Variants in DOCK8 observed in about 807,000 individuals in gnomAD.
DOCK8 encodes the protein dedicator of cytokinesis 8.
A neutral mutation model predicts 245.6 loss-of-function variants in DOCK8; 141 were observed. That is an observed-to-expected ratio of 0.57 (90% CI 0.50 to 0.66). The LOEUF (loss-of-function observed/expected upper bound fraction) is 0.66. Ranked by LOEUF, DOCK8 falls within the 30% of genes least tolerant of loss-of-function variation. DOCK8 has a pLI of 0.00. For missense variants in DOCK8, 2,965 were observed against 2,603.4 expected (o/e 1.14, Z -3.02); for synonymous variants, 1,168 against 970.2 (o/e 1.20, Z -3.79).
At position 340,207 on chromosome 9, in the gene DOCK8, G is replaced by T; in HGVS notation, c.1565G>T (p.Cys522Phe). 3 of 1,614,086 alleles carry T rather than the reference G, an allele frequency of 1.9e-6. No homozygotes were observed. Among genetic ancestry groups the T allele is most frequent in the Non-Finnish European group, 1.7e-6 (2 of 1,180,014 alleles). The change falls in exon 14 of 48, where the codon TGT becomes TTT. Residue 522 changes from cysteine to phenylalanine, a missense_variant. By Grantham distance (205) the Cys-to-Phe change is radical. Transcript: ENST00000432829. ...ACAGCTCCAGAGATCATCAATTGCT[G>T]TCTGACTCCTGAAATGCTGCCCGTG... ...ISTAPEIINC[C>F]LTPEMLPVKP...
intron 1 of DOCK8, among the ~76,000 whole-genome samples, chr9:248,464 TCCTC>T (rs1342114545): frequency 6.0e-5 from 9 of 149,608 alleles, no homozygotes; most frequent in Admixed American, 5.3e-4. Flanking sequence ...CTTCCTTCCT[TCCTC>T]CCTCCCTCCT....
chr9:238,518 T>C (rs1197293356), intron 1 of DOCK8, among the ~76,000 whole-genome samples: 1 of 152,158 alleles, frequency 6.6e-6, no homozygotes, highest in East Asian at 1.9e-4. Flanking sequence ...ACAGGCACCA[T>C]AATAATGTAA....
chr9:293,595 C>T (rs562091537), intron 4 of DOCK8, among the ~76,000 whole-genome samples: 1 of 152,352 alleles, frequency 6.6e-6, no homozygotes, highest in South Asian at 2.1e-4. Context: ...GGAAGGTGTG[C>T]AACACCTTCT....
chr9:325,901 C>T (rs2130808933), intron 8 of DOCK8, among the ~76,000 whole-genome samples, 164 bp downstream of exon 8: 1 of 152,228 alleles, frequency 6.6e-6, no homozygotes, highest in East Asian at 1.9e-4. Flanking sequence ...AAGCAGTGGT[C>T]TGAGAATGTA....
intron 34 of DOCK8, among the ~76,000 whole-genome samples, chr9:428,074 A>G (rs931729773): frequency 6.6e-6 from 1 of 152,232 alleles, no homozygotes; most frequent in African/African-American, 2.4e-5. Flanking sequence ...ACAAAGAAAG[A>G]ACTTTCCAAA....
chr9:297,092 G>T (rs977267299), intron 4 of DOCK8, among the ~76,000 whole-genome samples: 1 of 152,080 alleles, frequency 6.6e-6, no homozygotes, highest in African/African-American at 2.4e-5. Context: ...GCACCAAATT[G>T]TACAGGAAGG....
At chr9:299,410 TGGCACCATACTC>T (rs1269537049) in intron 4 of DOCK8, among the ~76,000 whole-genome samples, 3 of 152,076 alleles carry the variant, frequency 2.0e-5, no homozygotes, top group Non-Finnish European at 4.4e-5. Flanking sequence ...TACAGGCAGG[TGGCACCATACTC>T]GGCTAATTTT....
At chr9:295,867 A>G (rs2049240370) in intron 4 of DOCK8, among the ~76,000 whole-genome samples, 1 of 152,222 alleles carries the variant, frequency 6.6e-6, no homozygotes, top group Admixed American at 6.5e-5. Flanking sequence ...CCACTCAAGT[A>G]CTGTAATTGA....
At position 312,401 on chromosome 9, in the gene DOCK8, T is replaced by G. The variant is rs1284416436; in HGVS notation, c.741+235T>G. On this transcript the variant is annotated intron_variant, in intron 6 of 47. Transcript: ENST00000432829. ...AACAACTGGAATTTTCATAGCACTT[T>G]ACAAAATATGTTCACTAAGAGCATC... The G allele has an allele frequency of 6.1e-6, 4 of 652,814 alleles. No homozygotes were observed. In the African/African-American group the frequency reaches 7.1e-5, roughly 12 times the overall value. 40.4% of individuals were successfully genotyped at this position (652,814 alleles called of 1,614,324 possible).
chr9:333,326 G>GCA (rs1478430182), intron 10 of DOCK8, among the ~76,000 whole-genome samples: 9 of 152,354 alleles, frequency 5.9e-5, no homozygotes, highest in African/African-American at 2.2e-4. Context: ...CCTTGGCCGG[G>GCA]CGTGGTGGCT....
chr9:459,337 A>G (rs1415055697), intron 46 of DOCK8, among the ~76,000 whole-genome samples: 1 of 152,244 alleles, frequency 6.6e-6, no homozygotes, highest in African/African-American at 2.4e-5. Flanking sequence ...AGTATATAAA[A>G]TAATTTTTTG....
At chr9:302,808 C>G (rs1291906563) in intron 4 of DOCK8, among the ~76,000 whole-genome samples, 1 of 152,084 alleles carries the variant, frequency 6.6e-6, no homozygotes, top group Non-Finnish European at 1.5e-5. Context: ...TACCAACTCA[C>G]AACAGTCAGA....
chr9:236,788 G>A (rs1170708716), intron 1 of DOCK8, among the ~76,000 whole-genome samples: 4 of 152,178 alleles, frequency 2.6e-5, no homozygotes, highest in African/African-American at 7.2e-5. Flanking sequence ...CAGGGACCCA[G>A]GCTGCTTCCA....
In DOCK8 at chr9:339,170, A is replaced by G. The variant is rs2051455919; in HGVS notation, c.1516+71A>G. ...TTATCGTTAGACACAGTCTTTGTCT[A>G]ATGCCAGAATTTATAAAATCATGTT... On this transcript the variant is annotated intron_variant, in intron 13 of 47. Transcript: ENST00000432829. The G allele has an allele frequency of 1.3e-5, 16 of 1,272,326 alleles. No individual in the cohort carries two copies. In the South Asian group the frequency reaches 1.7e-4, roughly 14 times the overall value. The allele number at this position is 1,272,326 out of a possible 1,614,324, so 78.8% of individuals were successfully genotyped here.
chr9:316,231 G>A (rs7032918), intron 6 of DOCK8, among the ~76,000 whole-genome samples: 3 of 151,972 alleles, frequency 2.0e-5, no homozygotes, highest in African/African-American at 7.3e-5. Flanking sequence ...CCCTTGCGAT[G>A]GGCAGAGCAC....
chr9:424,077 T>A (rs200252127), intron 33 of DOCK8, among the ~76,000 whole-genome samples: 26 of 135,770 alleles, frequency 1.9e-4, no homozygotes, highest in South Asian at 1.4e-3. Flanking sequence ...TTTTTTTTTT[T>A]AAAAGGGAAA....
chr9:448,983 T>A (rs1367848416), intron 44 of DOCK8, among the ~76,000 whole-genome samples: 1 of 152,232 alleles, frequency 6.6e-6, no homozygotes, highest in African/African-American at 2.4e-5. Flanking sequence ...ACAGGTGATA[T>A]CAAAAGCCTG....
At chr9:330,200 A>G (rs1023342851) in intron 9 of DOCK8, among the ~76,000 whole-genome samples, 5 of 151,940 alleles carry the variant, frequency 3.3e-5, no homozygotes, top group African/African-American at 1.2e-4. Flanking sequence ...ATTTTGTGAA[A>G]TTTTTTTTTA....
chr9:427,915 C>G (rs1021086058), intron 34 of DOCK8, among the ~76,000 whole-genome samples: 7 of 152,080 alleles, frequency 4.6e-5, no homozygotes, highest in Admixed American at 1.3e-4. Context: ...AAGCTGAAAC[C>G]TTTTGTTATT....
Sources: allele counts gnomAD v4.1 joint callset (sites outside exome capture counted in the v4.1 genomes callset), GRCh38; gene constraint gnomAD v4.1.1; transcripts MANE v1.5; gene names NCBI Gene and HGNC (gene_info 2026-07-23, HGNC 2026-07-21).